Variants in YY1 observed in about 807,000 individuals in gnomAD.
The protein encoded by YY1 is YY1 transcription factor.
YY1 carries 2 observed loss-of-function variants against 35.6 expected under a neutral mutation model. The ratio of observed to expected loss-of-function variants is 0.06; its 90% confidence interval spans 0.02 to 0.18. The LOEUF is 0.18. YY1 is among the 10% of genes least tolerant of loss of function. The pLI is 1.00. For synonymous variants in YY1, 268 were observed against 238.9 expected (o/e 1.12, Z -1.12); for missense variants, 322 against 573.4 (o/e 0.56, Z 4.48).
chr14:100,245,532 T>C (rs1332362986), intron 1 of YY1, among the ~76,000 whole-genome samples: 3 of 152,152 alleles, frequency 2.0e-5, no homozygotes, highest in African/African-American at 7.2e-5. Context: ...TCAGTGTTGA[T>C]AGATTGGGGC....
At chr14:100,249,508 T>TG (rs1301503163) in intron 1 of YY1, among the ~76,000 whole-genome samples, 1 of 152,174 alleles carries the variant, frequency 6.6e-6, no homozygotes, top group African/African-American at 2.4e-5. Context: ...GCTGTTCTGT[T>TG]GGTGTCAGGA....
At position 100,250,098 on chromosome 14, in the gene YY1, C is replaced by T. The variant is rs560577151; in HGVS notation, c.679+10175C>T. On this transcript the variant is annotated intron_variant, in intron 1 of 4. Transcript: ENST00000262238. ...TACTTACTGCTCTTTAGATACATTG[C>T]TTGTCATTTCTGAGGTCAGTTTCTT... 2.6e-5 allele frequency among the ~76,000 whole-genome samples: 4 copies of T among 152,306 alleles called. No homozygotes were observed. The South Asian group carries it at 8.3e-4, about 32-fold the overall frequency.
chr14:100,242,763 A>T (rs987208392), intron 1 of YY1, among the ~76,000 whole-genome samples: 1 of 140,514 alleles, frequency 7.1e-6, no homozygotes, highest in Admixed American at 7.1e-5. Context: ...TCTTTTTTTA[A>T]TTTGAGACAG....
intron 2 of YY1, among the ~76,000 whole-genome samples, chr14:100,263,134 G>T (rs760184863): frequency 6.6e-6 from 1 of 152,148 alleles, no homozygotes; most frequent in South Asian, 2.1e-4. Context: ...TCTCGAACCA[G>T]TCCTGGCCTC....
At position 100,268,109 on chromosome 14, in the gene YY1, G is replaced by A. The variant is rs550908854; in HGVS notation, c.842+5643G>A. ...CTTGTCCTGCTGGCCTCCAGTCTTCGCCCCCAGCACTCACAGTGGCATTAG... is the reference window on the plus strand; with the variant it reads ...CTTGTCCTGCTGGCCTCCAGTCTTCACCCCCAGCACTCACAGTGGCATTAG... On this transcript the variant is annotated intron_variant, in intron 2 of 4. Coordinates refer to ENST00000262238, the MANE Select transcript of YY1 (RefSeq NM_003403.5). Among the ~76,000 whole-genome samples the A allele has an allele frequency of 8.5e-5, 13 of 152,204 alleles. No homozygotes were observed. In the East Asian group the frequency reaches 2.5e-3, roughly 29 times the overall value.
Position 100,259,121 on chromosome 14 carries a change from T to C in YY1, c.680-3183T>C, listed in dbSNP as rs147953734. Reference sequence around the variant, plus strand: ...TTACTACTTTTGGTGAGACAGACAATTTGAGAAGCAAAAACTTGCAGTTAG... The same window carrying C: ...TTACTACTTTTGGTGAGACAGACAACTTGAGAAGCAAAAACTTGCAGTTAG... On this transcript the variant is annotated intron_variant, in intron 1 of 4. Transcript: ENST00000262238. Among the ~76,000 whole-genome samples the C allele has an allele frequency of 2.7e-3, 409 of 152,340 alleles. 1 individual carries two copies. Among genetic ancestry groups the C allele is most frequent in the African/African-American group, 9.4e-3 (391 of 41,572 alleles).
At position 100,239,298 on chromosome 14, in the gene YY1, C is replaced by G. The variant is rs778539871; in HGVS notation, c.54C>G (p.Ala18=). 1 of 1,600,262 alleles carries G rather than the reference C, an allele frequency of 6.2e-7. No individual in the cohort carries two copies. Among genetic ancestry groups the G allele is most frequent in the South Asian group, 1.1e-5 (1 of 89,200 alleles). Residue 18 remains alanine (A), a synonymous_variant, in exon 1 of 5, where the codon GCC becomes GCG. Coordinates refer to ENST00000262238, the MANE Select transcript of YY1 (RefSeq NM_003403.5). ...YIATDGSEMP[A]EIVELHEIEV... ...CCACGGACGGCTCGGAGATGCCGGCCGAGATCGTGGAGCTGCACGAGATCG... is the reference window on the plus strand; with the variant it reads ...CCACGGACGGCTCGGAGATGCCGGCGGAGATCGTGGAGCTGCACGAGATCG...
Position 100,276,702 on chromosome 14 carries a change from AG to A in YY1, c.1062+55del. The A allele has an allele frequency of 6.2e-7, 1 of 1,612,594 alleles. No individual in the cohort carries two copies. Among genetic ancestry groups the A allele is most frequent in the Non-Finnish European group, 8.5e-7 (1 of 1,179,506 alleles). ...CTGCCTTGCCTGTCTGAACACTGCA[AG>A]TGTAGGTGGTGTGGTGATGAGGCAG... On this transcript the variant is annotated intron_variant, in intron 4 of 4. Coordinates refer to ENST00000262238, the MANE Select transcript of YY1 (RefSeq NM_003403.5). The surrounding 1 kb of genome is among the most constrained non-coding windows in gnomAD (Gnocchi z 4.1).
intron 1 of YY1, among the ~76,000 whole-genome samples, chr14:100,254,469 T>C (rs1283329445): frequency 1.3e-5 from 2 of 152,168 alleles, no homozygotes; most frequent in Non-Finnish European, 2.9e-5. Flanking sequence ...TCTCTTTTCT[T>C]TTCTTTTCGA....
chr14:100,276,331 C>T lies in YY1; in HGVS notation c.904-159C>T, dbSNP rs750824868. 3.4e-5 allele frequency: 33 copies of T among 979,558 alleles called. No homozygotes were observed. Among genetic ancestry groups the T allele is most frequent in the Non-Finnish European group, 4.8e-5 (32 of 664,656 alleles). 60.7% of individuals were successfully genotyped at this position (979,558 alleles called of 1,614,324 possible). A position where few individuals can be genotyped will look rare whatever the true frequency, so the allele number is the denominator to read the frequency against. On this transcript the variant is annotated intron_variant, in intron 3 of 4. Coordinates refer to ENST00000262238, the MANE Select transcript of YY1 (RefSeq NM_003403.5). The surrounding 1 kb of genome is among the most constrained non-coding windows in gnomAD (Gnocchi z 4.1). Reference sequence around the variant, plus strand: ...ACTTTTTCAGCTGTCTGCTTTTTGTCTTAAATGATATTAATGTTCTACCGT... The same window carrying T: ...ACTTTTTCAGCTGTCTGCTTTTTGTTTTAAATGATATTAATGTTCTACCGT...
chr14:100,263,824 C>T (rs1243412942), intron 2 of YY1: 2 of 152,080 alleles, frequency 1.3e-5, no homozygotes, highest in Non-Finnish European at 2.9e-5. Flanking sequence ...GTTCCTGCCA[C>T]CTGGAGCTCG....
At chr14:100,246,434 C>T (rs1890834887) in intron 1 of YY1, among the ~76,000 whole-genome samples, 1 of 152,202 alleles carries the variant, frequency 6.6e-6, no homozygotes, top group Admixed American at 6.5e-5. Flanking sequence ...TGGCCTCATG[C>T]TCCGGGTAGA....
chr14:100,262,250 G>T, intron 1 of YY1, 54 bp from the exon 2 acceptor site: 1 of 1,599,724 alleles, frequency 6.3e-7, no homozygotes, highest in Non-Finnish European at 8.5e-7. Context: ...AGCAGTTTTT[G>T]TAGTTTTTAA....
chr14:100,256,346 T>G lies in YY1; in HGVS notation c.680-5958T>G, dbSNP rs141537552. On this transcript the variant is annotated intron_variant, in intron 1 of 4. Coordinates refer to ENST00000262238, the MANE Select transcript of YY1 (RefSeq NM_003403.5). The stretch of plus-strand genomic sequence containing the variant: ...TTTCACACTCTTGTCCTCCATCTCA[T>G]CAAATGACACCACCATCTTCTAAAA... Among the ~76,000 whole-genome samples the G allele has an allele frequency of 5.2e-3, 798 of 152,248 alleles. 8 individuals are homozygous for G. The highest frequency in any genetic ancestry group is 0.018 in the African/African-American group (751 of 41,540).
intron 3 of YY1, chr14:100,275,712 C>T (rs1891308619): frequency 6.6e-6 from 1 of 152,238 alleles, no homozygotes; most frequent in Non-Finnish European, 1.5e-5. Context: ...AAAACTGGGG[C>T]TTCCCTCTCC....
intron 1 of YY1, among the ~76,000 whole-genome samples, chr14:100,243,888 G>A (rs1890788426): frequency 6.6e-6 from 1 of 151,964 alleles, no homozygotes; most frequent in Admixed American, 6.6e-5. Context: ...GGTGGGTCAC[G>A]AGCTCAGGAG....
intron 1 of YY1, among the ~76,000 whole-genome samples, chr14:100,247,214 G>A (rs1371931301): frequency 2.6e-5 from 4 of 152,146 alleles, no homozygotes; most frequent in Non-Finnish European, 5.9e-5. Flanking sequence ...TCTGTTTTAA[G>A]GCTGGGAAAC....
At chr14:100,260,771 CTTTTTTTTTTTTTTT>C (rs71113254) in intron 1 of YY1, among the ~76,000 whole-genome samples, 91 of 42,564 alleles carry the variant, frequency 2.1e-3, no homozygotes, top group Admixed American at 3.9e-3. Flanking sequence ...GTGCCTGGTC[CTTTTTTTTTTTTTTT>C]TTTTTTTTTT....
chr14:100,247,326 C>G (rs1217653793), intron 1 of YY1, among the ~76,000 whole-genome samples: 2 of 151,264 alleles, frequency 1.3e-5, no homozygotes, highest in African/African-American at 2.4e-5. Flanking sequence ...TTTATTCTCT[C>G]TGTGCTCTTA....
Sources: allele counts gnomAD v4.1 joint callset (sites outside exome capture counted in the v4.1 genomes callset), GRCh38; gene constraint gnomAD v4.1.1; non-coding constraint Gnocchi (gnomAD v3.1); transcripts MANE v1.5; gene names NCBI Gene and HGNC (gene_info 2026-07-23, HGNC 2026-07-21).